SGCD: variants seen among roughly 807,000 people sequenced by gnomAD.
The protein encoded by SGCD is delta-sarcoglycan.
Under a neutral mutation model 36.6 loss-of-function variants are expected in SGCD, and 18 were observed. The ratio of observed to expected loss-of-function variants is 0.49; its 90% confidence interval spans 0.34 to 0.73. SGCD has a LOEUF of 0.73. Ranked by LOEUF, SGCD falls within the 30% of genes least tolerant of loss-of-function variation. SGCD has a pLI of 0.01. For synonymous variants in SGCD, 133 were observed against 130.6 expected (o/e 1.02, Z -0.12); for missense variants, 387 against 346.7 (o/e 1.12, Z -0.92).
chr5:156,681,226 T>C (rs1753709496), intron 7 of SGCD, among the ~76,000 whole-genome samples: 1 of 152,196 alleles, frequency 6.6e-6, no homozygotes, highest in Non-Finnish European at 1.5e-5. Context: ...AAGACTTTAC[T>C]GAGCGGTAGT....
chr5:156,678,313 CAG>C (rs1335478955), intron 7 of SGCD, among the ~76,000 whole-genome samples: 1 of 152,138 alleles, frequency 6.6e-6, no homozygotes, highest in Non-Finnish European at 1.5e-5. Flanking sequence ...TAGAGAGACA[CAG>C]GGGTGGGTGA....
chr5:156,277,458 G>T (rs1238346629), intron 3 of SGCD, among the ~76,000 whole-genome samples: 1 of 152,170 alleles, frequency 6.6e-6, no homozygotes, highest in Non-Finnish European at 1.5e-5. Context: ...TGCAAAGAGG[G>T]TTGTGGGCTC....
At chr5:156,002,971 T>C (rs970590927) in intron 1 of SGCD, among the ~76,000 whole-genome samples, 2 of 152,220 alleles carry the variant, frequency 1.3e-5, no homozygotes, top group Non-Finnish European at 2.9e-5. Flanking sequence ...TTAAAGCCAT[T>C]CCTATTGCAC....
At chr5:155,981,551 C>T (rs1758229404) in intron 1 of SGCD, among the ~76,000 whole-genome samples, 1 of 152,098 alleles carries the variant, frequency 6.6e-6, no homozygotes, top group Non-Finnish European at 1.5e-5. Context: ...GTTGGGTGGC[C>T]CCAATGTTCA....
At chr5:155,991,717 A>G (rs1758435491) in intron 1 of SGCD, among the ~76,000 whole-genome samples, 1 of 152,182 alleles carries the variant, frequency 6.6e-6, no homozygotes. Context: ...TTTCAACATT[A>G]TCTCAGTTTA....
chr5:156,503,089 A>G (rs1756526507), intron 3 of SGCD, among the ~76,000 whole-genome samples: 1 of 152,218 alleles, frequency 6.6e-6, no homozygotes. Context: ...TAAGATGTAT[A>G]TGAGGAAAGA....
At chr5:156,069,519 T>A (rs2127586875) in intron 1 of SGCD, among the ~76,000 whole-genome samples, 1 of 152,252 alleles carries the variant, frequency 6.6e-6, no homozygotes, top group Non-Finnish European at 1.5e-5. Flanking sequence ...CTGTTTTGGT[T>A]ACTGTAGCCT....
At chr5:155,785,257 G>A in the SGCD span, among the ~76,000 whole-genome samples, 4 of 151,928 alleles carry the variant, frequency 2.6e-5, no homozygotes, top group Non-Finnish European at 4.4e-5. Context: ...CTCTCTCCAC[G>A]GACAAGTTTT....
the SGCD span, among the ~76,000 whole-genome samples, chr5:155,729,355 C>T: frequency 6.6e-6 from 1 of 152,246 alleles, no homozygotes; most frequent in Admixed American, 6.5e-5. Context: ...AGACCTAGCC[C>T]TTAGGGCAGC....
chr5:155,896,303 T>C (rs1372808812), intron 1 of SGCD, among the ~76,000 whole-genome samples: 2 of 152,034 alleles, frequency 1.3e-5, no homozygotes, highest in Non-Finnish European at 2.9e-5. Context: ...GATTTTTAAA[T>C]GAAACTCCCT....
At chr5:156,224,632 G>C (rs1476364345) in intron 3 of SGCD, among the ~76,000 whole-genome samples, 2 of 152,124 alleles carry the variant, frequency 1.3e-5, no homozygotes, top group African/African-American at 2.4e-5. Context: ...AGAAAGAACT[G>C]TGTGTGGAGG....
chr5:156,073,367 G>A (rs1246870724), intron 1 of SGCD, among the ~76,000 whole-genome samples: 1 of 152,090 alleles, frequency 6.6e-6, no homozygotes, highest in Non-Finnish European at 1.5e-5. Context: ...AGACCAGCCT[G>A]GGCAACATAG....
chr5:156,556,872 A>G (rs949074662), intron 4 of SGCD, among the ~76,000 whole-genome samples: 101 of 152,308 alleles, frequency 6.6e-4, no homozygotes, highest in African/African-American at 2.4e-3. Flanking sequence ...CTTATGCTCC[A>G]GAGAGTGACA....
At chr5:156,380,184 G>T (rs77234766) in intron 3 of SGCD, among the ~76,000 whole-genome samples, 7,292 of 151,976 alleles carry the variant, frequency 0.048, 238 homozygotes, top group Non-Finnish European at 0.073. Context: ...ATTTTTCCAG[G>T]CTCTTTTAAG....
intron 4 of SGCD, among the ~76,000 whole-genome samples, chr5:156,538,121 A>G (rs1193144003): frequency 1.3e-5 from 2 of 151,464 alleles, no homozygotes; most frequent in Non-Finnish European, 2.9e-5. Context: ...AAAAAATACC[A>G]TTGACTAAGG....
chr5:155,815,189 C>T, the SGCD span, among the ~76,000 whole-genome samples: 1 of 152,150 alleles, frequency 6.6e-6, no homozygotes, highest in African/African-American at 2.4e-5. Context: ...TCTGTATTCT[C>T]TCACCATCTA....
intron 6 of SGCD, among the ~76,000 whole-genome samples, chr5:156,607,631 C>T (rs953204377): frequency 6.6e-6 from 1 of 152,144 alleles, no homozygotes; most frequent in African/African-American, 2.4e-5. Flanking sequence ...GTACCAGCTC[C>T]TCTTTGTACC....
intron 3 of SGCD, among the ~76,000 whole-genome samples, chr5:156,477,937 T>C (rs182468002): frequency 6.6e-6 from 1 of 152,218 alleles, no homozygotes; most frequent in African/African-American, 2.4e-5. Context: ...TCATGGAATC[T>C]CTGGATCAAA....
intron 3 of SGCD, among the ~76,000 whole-genome samples, chr5:156,220,454 C>G (rs1234453954): frequency 2.0e-5 from 3 of 152,106 alleles, no homozygotes; most frequent in Non-Finnish European, 4.4e-5. Context: ...CATGAAATTA[C>G]TTATTGAAAA....
Sources: gnomAD v4.1 joint callset for allele counts (sites outside exome capture counted in the v4.1 genomes callset) on GRCh38, gnomAD v4.1.1 for gene constraint, MANE v1.5 for transcripts, NCBI Gene and HGNC (gene_info 2026-07-23, HGNC 2026-07-21) for gene names.